PPFIBP2: variants seen among roughly 807,000 people sequenced by gnomAD.
PPFIBP2 encodes liprin-beta-2.
PPFIBP2 carries 118 observed loss-of-function variants against 118.3 expected under a neutral mutation model. That is an observed-to-expected ratio of 1.00 (90% CI 0.86 to 1.16). The LOEUF (loss-of-function observed/expected upper bound fraction) is 1.16, where lower values mean the gene tolerates loss of function less well. Ranked by LOEUF, PPFIBP2 falls within the 50% of genes most tolerant of loss-of-function variation. The probability of loss-of-function intolerance (pLI) is 0.00; values close to 1 mark genes in which losing one functional copy is unlikely to be tolerated. For synonymous variants in PPFIBP2, 414 were observed against 397.4 expected (o/e 1.04, Z -0.50); for missense variants, 1,195 against 1,073.1 (o/e 1.11, Z -1.59).
intron 3 of PPFIBP2, among the ~76,000 whole-genome samples, chr11:7,583,965 G>T (rs1220116003): frequency 6.6e-6 from 1 of 152,214 alleles, no homozygotes; most frequent in Non-Finnish European, 1.5e-5. Context: ...TTCAAATGGT[G>T]CCTCCACTGT....
chr11:7,608,636 G>C (rs564455744), intron 5 of PPFIBP2, among the ~76,000 whole-genome samples: 4 of 151,534 alleles, frequency 2.6e-5, no homozygotes, highest in Non-Finnish European at 5.9e-5. Flanking sequence ...GCGAAACGCT[G>C]TCTCAAAAAA....
chr11:7,656,559 T>C (rs1854708849), downstream of PPFIBP2, among the ~76,000 whole-genome samples: 1 of 152,262 alleles, frequency 6.6e-6, no homozygotes, highest in African/African-American at 2.4e-5. Flanking sequence ...CTTAATAGTG[T>C]TGTTTATTCT....
intron 15 of PPFIBP2, chr11:7,641,113 T>G (rs1450135656): frequency 3.3e-6 from 4 of 1,227,998 alleles, no homozygotes; most frequent in East Asian, 5.5e-5. Flanking sequence ...TGCCTTTGTT[T>G]CCCTACCCTA....
intron 3 of PPFIBP2, among the ~76,000 whole-genome samples, chr11:7,580,291 C>T (rs1857079063): frequency 6.6e-6 from 1 of 152,238 alleles, no homozygotes; most frequent in Non-Finnish European, 1.5e-5. Context: ...GTCTGCAGCA[C>T]TTCCCATCTG....
In PPFIBP2 at chr11:7,616,516, A is replaced by G. The variant is rs948701448; in HGVS notation, c.619-4419A>G. On this transcript the variant is annotated intron_variant, in intron 6 of 23. Transcript: ENST00000299492. The surrounding 1 kb of genome is among the most constrained non-coding windows in gnomAD (Gnocchi z 5.2). The stretch of plus-strand genomic sequence containing the variant: ...CCGGGAATGTGTCGTGTGGTAGACC[A>G]GGTAAATCCACATTTCAGTGAAGTG... Among the ~76,000 whole-genome samples the G allele has an allele frequency of 2.0e-5, 3 of 152,216 alleles. No individual in the cohort carries two copies. Among genetic ancestry groups the G allele is most frequent in the African/African-American group, 7.2e-5 (3 of 41,462 alleles).
rs77867967 is a variant in PPFIBP2, at chr11:7,565,959, A to G, written c.279+192A>G. ...AGAGCCCAGTCAAGCGACTTAAGCT[A>G]TGCCCTCTGCCCTTCCATGGTCCAC... On this transcript the variant is annotated intron_variant, in intron 3 of 23. Transcript: ENST00000299492. Among the ~76,000 whole-genome samples, 32 of 152,278 alleles carry G rather than the reference A, an allele frequency of 2.1e-4. No homozygotes were observed. In the East Asian group the frequency reaches 6.0e-3, roughly 28 times the overall value.
intron 1 of PPFIBP2, among the ~76,000 whole-genome samples, chr11:7,544,024 AC>A (rs1220206482): frequency 1.1e-4 from 16 of 152,120 alleles, no homozygotes; most frequent in African/African-American, 3.9e-4. Flanking sequence ...TTTCTCCCTC[AC>A]TGGTAGCGAA....
intron 6 of PPFIBP2, among the ~76,000 whole-genome samples, chr11:7,612,205 A>G (rs577387827): frequency 3.9e-5 from 6 of 152,336 alleles, no homozygotes; most frequent in South Asian, 2.1e-4. Flanking sequence ...CTTTAGCCTT[A>G]TTCTCAAGAA....
intron 2 of PPFIBP2, among the ~76,000 whole-genome samples, chr11:7,555,849 A>G (rs7107296): frequency 0.86 from 131,343 of 152,204 alleles, 57,101 homozygotes; most frequent in African/African-American, 0.97. Context: ...TTAAATATTT[A>G]CTATAGTTGT....
chr11:7,551,160 G>A (rs991699535), intron 2 of PPFIBP2, among the ~76,000 whole-genome samples: 45 of 152,108 alleles, frequency 3.0e-4, no homozygotes, highest in African/African-American at 1.0e-3. Flanking sequence ...CAAGAAAGTG[G>A]ATTTCCTAGC....
At chr11:7,665,934 A>G in the PPFIBP2 span, 3 of 1,535,900 alleles carry the variant, frequency 2.0e-6, no homozygotes, top group South Asian at 1.2e-5. Context: ...TCTGCCGACC[A>G]GGGACCTGTA....
At chr11:7,526,828 T>C (rs1031549076) in intron 1 of PPFIBP2, among the ~76,000 whole-genome samples, 4 of 152,098 alleles carry the variant, frequency 2.6e-5, no homozygotes, top group Non-Finnish European at 5.9e-5. Flanking sequence ...GCAAATGTCT[T>C]TGTGGGCTGA....
In PPFIBP2 at chr11:7,648,497, G is replaced by T. The variant is rs376575758; in HGVS notation, c.1757G>T (p.Gly586Val). The change falls in exon 18 of 24, where the codon GGC (glycine) becomes GTC (valine). Residue 586 changes from glycine to valine, a missense_variant. By Grantham distance (109) the Gly-to-Val change is moderately radical. Transcript: ENST00000299492. ...TTTGCCAGGCAGTGGGTATCTTCTGGCCACACCTTATTGACAGCCACCCCT... is the reference window on the plus strand; with the variant it reads ...TTTGCCAGGCAGTGGGTATCTTCTGTCCACACCTTATTGACAGCCACCCCT... The part of the protein sequence containing the change: ...VIFARQWVSS[G>V]HTLLTATPQD... 13 of 1,613,896 alleles carry T rather than the reference G, an allele frequency of 8.1e-6. No homozygotes were observed. The African/African-American group carries it at 1.6e-4, about 20-fold the overall frequency.
At chr11:7,546,221 A>C (rs1852318487) in intron 1 of PPFIBP2, among the ~76,000 whole-genome samples, 1 of 152,202 alleles carries the variant, frequency 6.6e-6, no homozygotes, top group Non-Finnish European at 1.5e-5. Flanking sequence ...TAATGGATTT[A>C]AGTGGTTTTG....
chr11:7,589,395 T>C (rs1407484075), intron 3 of PPFIBP2, among the ~76,000 whole-genome samples: 1 of 152,010 alleles, frequency 6.6e-6, no homozygotes, highest in East Asian at 1.9e-4. Flanking sequence ...AGATTGAGAC[T>C]ATCCTGGCCA....
chr11:7,597,940 G>C lies in PPFIBP2; in HGVS notation c.486+267G>C, dbSNP rs760033121. The C allele has an allele frequency of 5.2e-6, 2 of 386,832 alleles. 1 individual carries two copies. The highest frequency in any genetic ancestry group is 1.0e-4 in the East Asian group (2 of 19,758). 24.0% of individuals were successfully genotyped at this position (386,832 alleles called of 1,614,324 possible). On this transcript the variant is annotated intron_variant, in intron 5 of 23. Transcript: ENST00000299492. ...AGATTCCCAGACAGCACTTTCTCCA[G>C]ACCTGGTGCAGTGAGGGAGCGCTCG...
chr11:7,590,198 C>T lies in PPFIBP2; in HGVS notation c.280-2934C>T, dbSNP rs1858984624. Among the ~76,000 whole-genome samples, 4 of 152,192 alleles carry T rather than the reference C, an allele frequency of 2.6e-5. No individual in the cohort carries two copies. In the South Asian group the frequency reaches 8.3e-4, roughly 32 times the overall value. On this transcript the variant is annotated intron_variant, in intron 3 of 23. Transcript: ENST00000299492. ...CAAGTTTTTCTCCAGGCAGAGGTGGCATTTGATCCTGGCCTATGCCCTTCT... is the reference window on the plus strand; with the variant it reads ...CAAGTTTTTCTCCAGGCAGAGGTGGTATTTGATCCTGGCCTATGCCCTTCT...
At chr11:7,515,374 T>C (rs932861760) in intron 1 of PPFIBP2, among the ~76,000 whole-genome samples, 4 of 152,248 alleles carry the variant, frequency 2.6e-5, no homozygotes, top group African/African-American at 9.7e-5. Context: ...CATGATGCCT[T>C]CTTTACTGGG....
chr11:7,664,403 G>T, the PPFIBP2 span, among the ~76,000 whole-genome samples: 2 of 152,116 alleles, frequency 1.3e-5, no homozygotes, highest in African/African-American at 4.8e-5. Flanking sequence ...TTTGGGCTGC[G>T]TAATACTCTG....
Sources: allele counts gnomAD v4.1 joint callset (sites outside exome capture counted in the v4.1 genomes callset), GRCh38; gene constraint gnomAD v4.1.1; non-coding constraint Gnocchi (gnomAD v3.1); transcripts MANE v1.5; gene names NCBI Gene and HGNC (gene_info 2026-07-23, HGNC 2026-07-21).